The following MCUB variants were observed in gnomAD, a reference collection of about 807,000 sequenced individuals.
MCUB encodes the protein mitochondrial calcium uniporter dominant negative subunit beta.
MCUB carries 46 observed loss-of-function variants against 41.4 expected under a neutral mutation model. The ratio of observed to expected loss-of-function variants is 1.11; its 90% CI spans 0.88 to 1.42. The LOEUF is 1.42. Among genes scored for constraint, MCUB ranks in the 40% most tolerant of loss-of-function variants. The probability of loss-of-function intolerance (pLI) is 0.00; values close to 1 mark genes in which losing one functional copy is unlikely to be tolerated. For missense variants in MCUB, 403 were observed against 404.9 expected, an observed-to-expected ratio of 1.00 and a Z score of 0.04; for synonymous variants, 148 against 148.2, an observed-to-expected ratio of 1.00 and a Z score of 0.01.
intron 1 of MCUB, among the ~76,000 whole-genome samples, chr4:109,606,361 T>A (rs1157252862): frequency 6.6e-6 from 1 of 152,144 alleles, no homozygotes; most frequent in Non-Finnish European, 1.5e-5. Flanking sequence ...ATGTTATTAT[T>A]GATAAGTAAG....
At chr4:109,675,012 A>G (rs1350962372) in intron 4 of MCUB, among the ~76,000 whole-genome samples, 1 of 152,242 alleles carries the variant, frequency 6.6e-6, no homozygotes, top group Non-Finnish European at 1.5e-5. Flanking sequence ...CACTTGTGAA[A>G]TTCTCTTGTC....
In MCUB at chr4:109,687,510, GACAGGCTAAAGAATC is replaced by G; in HGVS notation, c.934-4_944del. The G allele has an allele frequency of 3.7e-6, 6 of 1,602,702 alleles. No homozygotes were observed. Among genetic ancestry groups the G allele is most frequent in the Non-Finnish European group, 5.1e-6 (6 of 1,171,262 alleles). On this transcript the variant is annotated splice_acceptor_variant and splice_polypyrimidine_tract_variant and coding_sequence_variant and intron_variant, in exon 8 of 8. Coordinates refer to ENST00000394650, the MANE Select transcript of MCUB (RefSeq NM_017918.5). LOFTEE classifies it high-confidence loss of function. ...ATCACATGCTTTTTCTTTTTCCCAT[GACAGGCTAAAGAATC>G]CCTGAAACAGGCGCGTCATTCTCTC...
chr4:109,593,223 A>G (rs1727478928), intron 1 of MCUB, among the ~76,000 whole-genome samples: 1 of 152,242 alleles, frequency 6.6e-6, no homozygotes, highest in African/African-American at 2.4e-5. Context: ...GTGTCAATCA[A>G]TACCTTTTTA....
intron 1 of MCUB, among the ~76,000 whole-genome samples, chr4:109,622,749 T>G (rs1728274316): frequency 6.6e-6 from 1 of 152,208 alleles, no homozygotes; most frequent in African/African-American, 2.4e-5. Flanking sequence ...TTATGATGGC[T>G]TCGACTTTAT....
chr4:109,671,173 G>T (rs1443378012), intron 4 of MCUB, among the ~76,000 whole-genome samples: 2 of 152,160 alleles, frequency 1.3e-5, no homozygotes, highest in African/African-American at 4.8e-5. Flanking sequence ...GACAACTTTG[G>T]AGTTTTTTTA....
chr4:109,597,676 G>A (rs1198742875), intron 1 of MCUB, among the ~76,000 whole-genome samples: 4 of 147,470 alleles, frequency 2.7e-5, no homozygotes, highest in African/African-American at 1.0e-4. Context: ...CGGCTGGCCG[G>A]GCGGGGGGCT....
intron 1 of MCUB, among the ~76,000 whole-genome samples, chr4:109,635,424 G>A (rs1002045186): frequency 6.6e-6 from 1 of 152,142 alleles, no homozygotes; most frequent in South Asian, 2.1e-4. Flanking sequence ...CTTGCCCCAC[G>A]TTCCTGGCAA....
chr4:109,670,639 C>G (rs1019986157), intron 4 of MCUB, among the ~76,000 whole-genome samples: 1 of 151,846 alleles, frequency 6.6e-6, no homozygotes, highest in Non-Finnish European at 1.5e-5. Context: ...TCGCTTGAAC[C>G]CGGAAGGCGG....
At chr4:109,567,741 C>G (rs1726815802) in intron 1 of MCUB, among the ~76,000 whole-genome samples, 1 of 151,542 alleles carries the variant, frequency 6.6e-6, no homozygotes, top group Non-Finnish European at 1.5e-5. Context: ...CTCTGTCACC[C>G]AGGCTGTAGT....
chr4:109,596,725 CT>C (rs34686512), intron 1 of MCUB, among the ~76,000 whole-genome samples: 143 of 106,202 alleles, frequency 1.3e-3, no homozygotes, highest in African/African-American at 1.9e-3. Flanking sequence ...TCTTAAACTT[CT>C]TTTTTTTTTT....
chr4:109,569,461 G>A (rs1487180485), intron 1 of MCUB, among the ~76,000 whole-genome samples: 4 of 149,748 alleles, frequency 2.7e-5, no homozygotes, highest in Non-Finnish European at 4.4e-5. Flanking sequence ...AATTCTGGAA[G>A]GACTGCCTGG....
At chr4:109,585,633 AGGCAGGCCT>A (rs1327412356) in intron 1 of MCUB, among the ~76,000 whole-genome samples, 1 of 152,166 alleles carries the variant, frequency 6.6e-6, no homozygotes, top group Non-Finnish European at 1.5e-5. Flanking sequence ...AGCTCTTTCA[AGGCAGGCCT>A]GGTGGTGACA....
intron 1 of MCUB, among the ~76,000 whole-genome samples, chr4:109,634,562 G>T (rs1466529355): frequency 6.6e-6 from 1 of 150,962 alleles, no homozygotes; most frequent in African/African-American, 2.4e-5. Flanking sequence ...TACCACCATT[G>T]TGACTTCCAA....
chr4:109,685,272 A>G lies in MCUB; in HGVS notation c.838A>G (p.Lys280Glu), dbSNP rs1256903572. The part of the protein sequence containing the change: ...TRQDYTYSAV[K>E]SRQFLQFFHK... Reference sequence around the variant, plus strand: ...TAAGGATTATACTTACTCAGCTGTTAAGAGTAGGCAATTTCTTCAGTTCTT... The same window carrying G: ...TAAGGATTATACTTACTCAGCTGTTGAGAGTAGGCAATTTCTTCAGTTCTT... The change falls in exon 7 of 8, where the codon AAG (lysine) becomes GAG (glutamate). Residue 280 changes from lysine (K) to glutamate (E), a missense_variant. Lys to Glu is a moderately conservative substitution (Grantham distance 56). Transcript: ENST00000394650. 1.3e-6 allele frequency: 2 copies of G among 1,494,798 alleles called. No homozygotes were observed. Among genetic ancestry groups the G allele is most frequent in the East Asian group, 2.3e-5 (1 of 44,256 alleles). The allele number at this position is 1,494,798 out of a possible 1,614,324, so 92.6% of individuals were successfully genotyped here. A position where few individuals can be genotyped will look rare whatever the true frequency, so the allele number is the denominator to read the frequency against.
chr4:109,568,058 G>A (rs1285610869), intron 1 of MCUB, among the ~76,000 whole-genome samples: 3 of 151,014 alleles, frequency 2.0e-5, no homozygotes, highest in African/African-American at 7.4e-5. Context: ...TGACTGTAAT[G>A]TGACCATAAA....
At chr4:109,608,511 A>G (rs1727929865) in intron 1 of MCUB, among the ~76,000 whole-genome samples, 1 of 146,548 alleles carries the variant, frequency 6.8e-6, no homozygotes, top group African/African-American at 2.4e-5. Context: ...GTTTTGAGAC[A>G]GGGTCTCATT....
intron 1 of MCUB, among the ~76,000 whole-genome samples, chr4:109,598,594 G>C (rs1727644790): frequency 7.4e-6 from 1 of 134,582 alleles, no homozygotes; most frequent in South Asian, 2.2e-4. Flanking sequence ...TGGAAACAGA[G>C]GGAGAGGGAG....
chr4:109,605,322 C>T (rs1461572333), intron 1 of MCUB, among the ~76,000 whole-genome samples: 1 of 150,812 alleles, frequency 6.6e-6, no homozygotes, highest in Non-Finnish European at 1.5e-5. Flanking sequence ...TTATTGTACA[C>T]GTGTTTGTAT....
chr4:109,624,745 AGAAAGG>A (rs1430191981), intron 1 of MCUB, among the ~76,000 whole-genome samples: 1 of 152,210 alleles, frequency 6.6e-6, no homozygotes, highest in African/African-American at 2.4e-5. Flanking sequence ...AGAAGTTAGA[AGAAAGG>A]GATGTCATTA....
Sources: gnomAD v4.1 joint callset for allele counts (sites outside exome capture counted in the v4.1 genomes callset) on GRCh38, gnomAD v4.1.1 for gene constraint, MANE v1.5 for transcripts, NCBI Gene and HGNC (gene_info 2026-07-23, HGNC 2026-07-21) for gene names.